Variants in RORA observed in about 807,000 individuals in gnomAD.
RORA encodes the protein nuclear receptor ROR-alpha.
RORA carries 7 observed loss-of-function variants against 69.5 expected under a neutral mutation model. That is an observed-to-expected ratio of 0.10 (90% CI 0.06 to 0.19). The LOEUF (loss-of-function observed/expected upper bound fraction) is 0.19, where lower values mean the gene tolerates loss of function less well. Among genes scored for constraint, RORA ranks in the 10% least tolerant of loss-of-function variants. RORA has a pLI of 1.00. For missense variants in RORA, 457 were observed against 663.0 expected, an observed-to-expected ratio of 0.69 and a Z score of 3.41; for synonymous variants, 261 against 240.8, an observed-to-expected ratio of 1.08 and a Z score of -0.78.
chr15:60,605,834 G>A (rs1327630895), intron 2 of RORA, among the ~76,000 whole-genome samples: 2 of 151,996 alleles, frequency 1.3e-5, no homozygotes, highest in South Asian at 2.1e-4. Flanking sequence ...CATATAAATC[G>A]TCATTAGGAA....
intron 1 of RORA, chr15:60,764,875 C>A (rs1432099306): frequency 6.6e-6 from 1 of 151,924 alleles, no homozygotes; most frequent in African/African-American, 2.4e-5. Flanking sequence ...ATTTAAGAAA[C>A]CATAAAAACG....
At chr15:61,051,623 A>G (rs1280440304) in intron 1 of RORA, among the ~76,000 whole-genome samples, 1 of 152,170 alleles carries the variant, frequency 6.6e-6, no homozygotes, top group Non-Finnish European at 1.5e-5. Context: ...CCATGAGAGT[A>G]AGACACCAGG....
intron 1 of RORA, among the ~76,000 whole-genome samples, chr15:60,819,967 G>A (rs2072872571): frequency 6.6e-6 from 1 of 152,208 alleles, no homozygotes; most frequent in Admixed American, 6.5e-5. Flanking sequence ...CACCCCTGCA[G>A]ATGCCCCAGG....
chr15:60,702,817 G>GGTTT (rs1371354040), intron 1 of RORA, among the ~76,000 whole-genome samples: 1 of 152,080 alleles, frequency 6.6e-6, no homozygotes, highest in African/African-American at 2.4e-5. Context: ...ACTTTAACTC[G>GGTTT]GTTTGTTTGG....
At chr15:60,937,281 T>C (rs1892553094) in intron 1 of RORA, among the ~76,000 whole-genome samples, 1 of 152,196 alleles carries the variant, frequency 6.6e-6, no homozygotes, top group South Asian at 2.1e-4. Context: ...TGAATTCTTC[T>C]AGATAGCACT....
chr15:60,599,505 C>T (rs2068766935), intron 2 of RORA, among the ~76,000 whole-genome samples: 3 of 152,138 alleles, frequency 2.0e-5, no homozygotes, highest in Non-Finnish European at 4.4e-5. Context: ...GAGCTGAGAT[C>T]GTGTCACTGC....
intron 1 of RORA, among the ~76,000 whole-genome samples, chr15:60,787,263 G>C (rs781467144): frequency 1.3e-5 from 2 of 152,210 alleles, no homozygotes; most frequent in African/African-American, 4.8e-5. Flanking sequence ...TGGGCTGGCT[G>C]AGGGACAGAT....
chr15:60,677,040 C>T (rs1402965388), intron 2 of RORA: 1 of 365,396 alleles, frequency 2.7e-6, no homozygotes, highest in African/African-American at 2.1e-5. Flanking sequence ...CTGTACATTG[C>T]CAGGTGGCCA....
At chr15:60,657,220 C>A (rs944254284) in intron 2 of RORA, among the ~76,000 whole-genome samples, 18 of 152,122 alleles carry the variant, frequency 1.2e-4, no homozygotes, top group Admixed American at 1.0e-3. Flanking sequence ...CGCATTTCTG[C>A]CTTCTCCGTC....
At chr15:61,036,238 A>G (rs73424314) in intron 1 of RORA, among the ~76,000 whole-genome samples, 2,733 of 152,280 alleles carry the variant, frequency 0.018, 82 homozygotes, top group African/African-American at 0.062. Context: ...CTAGAAAGAC[A>G]GGAAAGACAT....
chr15:60,834,044 C>T (rs2073082718), intron 1 of RORA, among the ~76,000 whole-genome samples: 1 of 152,220 alleles, frequency 6.6e-6, no homozygotes. Flanking sequence ...CCCTAGCATG[C>T]TTACCACAGT....
chr15:60,986,580 G>A (rs1031017391), intron 1 of RORA, among the ~76,000 whole-genome samples: 2 of 152,168 alleles, frequency 1.3e-5, no homozygotes, highest in African/African-American at 4.8e-5. Context: ...TTAGACATGG[G>A]CTCATCTGAG....
intron 1 of RORA, among the ~76,000 whole-genome samples, chr15:60,720,202 C>A (rs1256810261): frequency 1.3e-5 from 2 of 152,134 alleles, no homozygotes; most frequent in Non-Finnish European, 2.9e-5. Flanking sequence ...GCATCTCACA[C>A]CCATGAAGGT....
chr15:61,177,449 G>C (rs1322775446), intron 1 of RORA, among the ~76,000 whole-genome samples: 1 of 152,058 alleles, frequency 6.6e-6, no homozygotes, highest in East Asian at 1.9e-4. Flanking sequence ...ATTATTATTA[G>C]AAATAATTAA....
intron 1 of RORA, among the ~76,000 whole-genome samples, chr15:60,944,661 G>A (rs1892810814): frequency 6.8e-6 from 1 of 147,674 alleles, no homozygotes; most frequent in Admixed American, 6.8e-5. Context: ...AGGGGCAGAG[G>A]TTGCAGTGAG....
At chr15:61,205,849 G>A (rs1029516322) in intron 1 of RORA, among the ~76,000 whole-genome samples, 5 of 152,210 alleles carry the variant, frequency 3.3e-5, no homozygotes, top group Admixed American at 6.5e-5. Flanking sequence ...GGGCTGTTAC[G>A]GAGACACATT....
At chr15:61,012,100 T>A (rs537830798) in intron 1 of RORA, among the ~76,000 whole-genome samples, 6 of 152,340 alleles carry the variant, frequency 3.9e-5, no homozygotes, top group Admixed American at 3.9e-4. Flanking sequence ...ATGATTTTGA[T>A]GTGCCCTCTC....
Position 61,065,588 on chromosome 15 carries a change from C to T in RORA, c.166+163465G>A, listed in dbSNP as rs183680404. 3.9e-5 allele frequency among the ~76,000 whole-genome samples: 6 copies of T among 152,254 alleles called. No homozygotes were observed. In the East Asian group the frequency reaches 1.2e-3, roughly 29 times the overall value. On this transcript the variant is annotated intron_variant, in intron 1 of 10. Coordinates refer to ENST00000335670, the MANE Select transcript of RORA (RefSeq NM_134261.3). ...TTAATAAATAAATAGATTCAGATGA[C>T]AATAATACTAGCCTGGGAGAGGCTG...
At chr15:60,727,555 G>T (rs2071376232) in intron 1 of RORA, among the ~76,000 whole-genome samples, 1 of 152,154 alleles carries the variant, frequency 6.6e-6, no homozygotes, top group Non-Finnish European at 1.5e-5. Flanking sequence ...TTTAAGCACA[G>T]ATCAGAACAA....
Sources: allele counts gnomAD v4.1 joint callset (sites outside exome capture counted in the v4.1 genomes callset), GRCh38; gene constraint gnomAD v4.1.1; transcripts MANE v1.5; gene names NCBI Gene and HGNC (gene_info 2026-07-23, HGNC 2026-07-21).